UNC13C: variants seen among roughly 807,000 people sequenced by gnomAD.
UNC13C encodes the protein unc-13 homolog C.
Under a neutral mutation model 245.4 loss-of-function variants are expected in UNC13C, and 174 were observed. The observed-to-expected ratio is 0.71, with a 90% confidence interval of 0.63 to 0.80. The LOEUF is 0.80. UNC13C is among the 30% of genes least tolerant of loss of function. UNC13C has a pLI of 0.00. For synonymous variants in UNC13C, 992 were observed against 895.1 expected, an observed-to-expected ratio of 1.11 and a Z score of -1.93; for missense variants, 2,829 against 2,602.9, an observed-to-expected ratio of 1.09 and a Z score of -1.89.
At chr15:54,626,425 CG>C (rs1901150747) in intron 32 of UNC13C, among the ~76,000 whole-genome samples, 3 of 149,698 alleles carry the variant, frequency 2.0e-5, no homozygotes, top group South Asian at 2.1e-4. Flanking sequence ...AGGTAAAGTG[CG>C]AGGAGTAGTA....
At chr15:53,844,519 A>C in the UNC13C span, among the ~76,000 whole-genome samples, 1 of 152,070 alleles carries the variant, frequency 6.6e-6, no homozygotes, top group Non-Finnish European at 1.5e-5. Context: ...TGTATTTGTT[A>C]ACTGGTGTTT....
intron 4 of UNC13C, among the ~76,000 whole-genome samples, chr15:54,168,282 A>C (rs1381266945): frequency 1.3e-5 from 2 of 152,200 alleles, no homozygotes; most frequent in Non-Finnish European, 2.9e-5. Context: ...ATTCTAAAAA[A>C]ATATCACTTT....
chr15:54,013,488 C>T lies in UNC13C; in HGVS notation c.585C>T (p.Ser195=). ...GGAAAAAGAGTCAAGAATGTGTCTC[C>T]TCAGACTCAGAGTTAAGCACCATGA... ...RKWKKSQECV[S]SDSELSTMKK... is the part of the protein sequence containing the mutation. Residue 195 remains serine (S), a synonymous_variant, in exon 2 of 33, where the codon TCC becomes TCT. Coordinates refer to ENST00000260323, the MANE Select transcript of UNC13C (RefSeq NM_001080534.3). 1 of 1,613,826 alleles carries T rather than the reference C, an allele frequency of 6.2e-7. No individual in the cohort carries two copies.
chr15:53,954,033 T>C, the UNC13C span, among the ~76,000 whole-genome samples: 2 of 152,234 alleles, frequency 1.3e-5, no homozygotes, highest in African/African-American at 4.8e-5. Flanking sequence ...GCTTTTCATA[T>C]CCTCCTTTAT....
intron 2 of UNC13C, among the ~76,000 whole-genome samples, chr15:54,040,278 T>C (rs937661403): frequency 2.0e-5 from 3 of 152,070 alleles, no homozygotes; most frequent in African/African-American, 7.2e-5. Flanking sequence ...GAGTCAGGTA[T>C]AGAAAGGAAG....
At chr15:54,168,781 C>G (rs1281962297) in intron 4 of UNC13C, among the ~76,000 whole-genome samples, 1 of 151,994 alleles carries the variant, frequency 6.6e-6, no homozygotes, top group Non-Finnish European at 1.5e-5. Flanking sequence ...TCAGCGAAAA[C>G]TAAAAATAAA....
chr15:54,478,063 T>C (rs1892874868), intron 19 of UNC13C, among the ~76,000 whole-genome samples: 1 of 151,934 alleles, frequency 6.6e-6, no homozygotes, highest in Non-Finnish European at 1.5e-5. Flanking sequence ...GAGGAATTTA[T>C]CCGTGTCTTC....
At chr15:54,230,787 G>C (rs771300354) in intron 4 of UNC13C, among the ~76,000 whole-genome samples, 1 of 151,954 alleles carries the variant, frequency 6.6e-6, no homozygotes, top group African/African-American at 2.4e-5. Context: ...GAGGTGACAA[G>C]TATGTTAATT....
rs1454155150 is a variant in UNC13C, at chr15:54,500,072, G to C, written c.5061-7G>C. 6.3e-7 allele frequency: 1 copy of C among 1,596,366 alleles called. No individual in the cohort carries two copies. Among genetic ancestry groups the C allele is most frequent in the East Asian group, 2.2e-5 (1 of 44,514 alleles). The stretch of plus-strand genomic sequence containing the variant: ...TTGTGGTATGTAACATTATTAATTT[G>C]TTATAGGTGGTTTGAACCTTTTGTC... On this transcript the variant is annotated splice_region_variant and splice_polypyrimidine_tract_variant and intron_variant, in intron 20 of 32. Transcript: ENST00000260323.
At chr15:54,407,543 T>G in intron 18 of UNC13C, among the ~76,000 whole-genome samples, 1 of 152,326 alleles carries the variant, frequency 6.6e-6, no homozygotes. Flanking sequence ...CTTGTGTAAC[T>G]GTTAAAGAAA....
At chr15:54,052,812 T>C (rs1294702793) in intron 2 of UNC13C, among the ~76,000 whole-genome samples, 1 of 152,232 alleles carries the variant, frequency 6.6e-6, no homozygotes, top group Non-Finnish European at 1.5e-5. Context: ...ACAATGTCTT[T>C]AATATAGTTG....
intron 25 of UNC13C, among the ~76,000 whole-genome samples, chr15:54,532,641 A>G (rs1196073621): frequency 1.4e-5 from 2 of 142,668 alleles, no homozygotes; most frequent in African/African-American, 4.9e-5. Flanking sequence ...TGCTCAGAGG[A>G]ACATCTCAAC....
chr15:54,045,650 C>T (rs1223301417), intron 2 of UNC13C, among the ~76,000 whole-genome samples: 1 of 152,092 alleles, frequency 6.6e-6, no homozygotes, highest in Non-Finnish European at 1.5e-5. Flanking sequence ...AACCTGACTG[C>T]CTGGCTGAAA....
At chr15:54,144,185 T>C (rs767937128) in intron 4 of UNC13C, among the ~76,000 whole-genome samples, 2 of 152,226 alleles carry the variant, frequency 1.3e-5, no homozygotes, top group African/African-American at 4.8e-5. Context: ...TGAAATTTAT[T>C]TTCTATGTAA....
chr15:54,363,785 A>C (rs2039292763), intron 17 of UNC13C, among the ~76,000 whole-genome samples: 1 of 152,214 alleles, frequency 6.6e-6, no homozygotes, highest in Admixed American at 6.5e-5. Context: ...TTACAAAAAT[A>C]TGCCCTAGCT....
intron 19 of UNC13C, among the ~76,000 whole-genome samples, chr15:54,472,919 ATT>A (rs1235811557): frequency 1.3e-5 from 2 of 151,836 alleles, no homozygotes; most frequent in Non-Finnish European, 2.9e-5. Flanking sequence ...GCATGGGTAT[ATT>A]GCATTATGCT....
intron 19 of UNC13C, among the ~76,000 whole-genome samples, chr15:54,468,544 TCCCC>T (rs1189178601): frequency 6.6e-6 from 1 of 151,770 alleles, no homozygotes; most frequent in East Asian, 1.9e-4. Context: ...GTGAAGATTT[TCCCC>T]TGTGTTTCCT....
At chr15:54,241,646 G>A (rs573617527) in intron 7 of UNC13C, among the ~76,000 whole-genome samples, 63 of 152,302 alleles carry the variant, frequency 4.1e-4, no homozygotes, top group African/African-American at 1.5e-3. Flanking sequence ...TTACCTCACA[G>A]TTTGTGAGAA....
intron 13 of UNC13C, among the ~76,000 whole-genome samples, chr15:54,306,283 A>G (rs893565570): frequency 2.0e-5 from 3 of 151,938 alleles, no homozygotes; most frequent in South Asian, 2.1e-4. Context: ...AGGGATTACA[A>G]TTTTCCTGTT....
Sources: allele counts gnomAD v4.1 joint callset (sites outside exome capture counted in the v4.1 genomes callset), GRCh38; gene constraint gnomAD v4.1.1; transcripts MANE v1.5; gene names NCBI Gene and HGNC (gene_info 2026-07-23, HGNC 2026-07-21).